Variants in RNF216 observed in about 807,000 individuals in gnomAD.
RNF216 encodes E3 ubiquitin-protein ligase RNF216.
In RNF216, 72 loss-of-function variants were observed where a neutral mutation model predicts 110.8. The observed-to-expected ratio is 0.65, with a 90% CI of 0.54 to 0.79. The LOEUF (loss-of-function observed/expected upper bound fraction) is 0.79. RNF216 is among the 30% of genes least tolerant of loss of function. The probability of loss-of-function intolerance (pLI) is 0.00; values close to 1 mark genes in which losing one functional copy is unlikely to be tolerated. For missense variants in RNF216, 1,342 were observed against 1,141.2 expected (o/e 1.18, Z -2.54); for synonymous variants, 495 against 407.5 (o/e 1.21, Z -2.59).
chr7:5,651,611 G>C (rs932221220), intron 14 of RNF216, among the ~76,000 whole-genome samples: 1 of 151,936 alleles, frequency 6.6e-6, no homozygotes, highest in Non-Finnish European at 1.5e-5. Flanking sequence ...TATGAGAGAA[G>C]AGAAAGAGAT....
At chr7:5,627,841 A>G (rs2128557282) in intron 15 of RNF216, among the ~76,000 whole-genome samples, 1 of 152,164 alleles carries the variant, frequency 6.6e-6, no homozygotes, top group Non-Finnish European at 1.5e-5. Flanking sequence ...TTTGGGGAGA[A>G]GAGCTCTGGC....
chr7:5,767,869 G>T (rs1796286128), intron 1 of RNF216, among the ~76,000 whole-genome samples: 1 of 152,140 alleles, frequency 6.6e-6, no homozygotes, highest in Non-Finnish European at 1.5e-5. Flanking sequence ...AAAGTACTGG[G>T]ATTACAGGCA....
At chr7:5,749,430 C>T (rs192193806) in intron 3 of RNF216, among the ~76,000 whole-genome samples, 2 of 152,214 alleles carry the variant, frequency 1.3e-5, no homozygotes, top group African/African-American at 2.4e-5. Flanking sequence ...GGATTACAGG[C>T]GTGAGCCACC....
chr7:5,657,685 C>G (rs1788833648), intron 13 of RNF216, among the ~76,000 whole-genome samples: 1 of 152,200 alleles, frequency 6.6e-6, no homozygotes, highest in Non-Finnish European at 1.5e-5. Context: ...GGACCGTGGG[C>G]TTCCAGGCCA....
At chr7:5,655,142 G>A (rs555085322) in intron 13 of RNF216, among the ~76,000 whole-genome samples, 7 of 152,280 alleles carry the variant, frequency 4.6e-5, no homozygotes, top group African/African-American at 1.7e-4. Flanking sequence ...TTTGAGATGA[G>A]GCACAGGCCC....
intron 7 of RNF216, among the ~76,000 whole-genome samples, chr7:5,727,003 A>G (rs1245309753): frequency 2.6e-5 from 4 of 152,284 alleles, no homozygotes; most frequent in Middle Eastern, 3.4e-3. Flanking sequence ...GCCTTTCAGG[A>G]AGACTGGGTG....
chr7:5,643,075 A>C (rs1787839504), intron 14 of RNF216, among the ~76,000 whole-genome samples: 1 of 152,148 alleles, frequency 6.6e-6, no homozygotes, highest in African/African-American at 2.4e-5. Context: ...ATGGGTATGG[A>C]GGGAGAAAAA....
At chr7:5,664,118 G>A (rs1195603312) in intron 13 of RNF216, among the ~76,000 whole-genome samples, 1 of 152,096 alleles carries the variant, frequency 6.6e-6, no homozygotes, top group Non-Finnish European at 1.5e-5. Context: ...CTGGAGGCTG[G>A]CAAGACAAAG....
chr7:5,754,971 T>C (rs554100933), intron 2 of RNF216, among the ~76,000 whole-genome samples: 3 of 144,720 alleles, frequency 2.1e-5, no homozygotes, highest in Non-Finnish European at 3.0e-5. Context: ...GAGGCTGCAG[T>C]AAGCCAAGAT....
intron 1 of RNF216, among the ~76,000 whole-genome samples, chr7:5,781,238 G>A (rs957815084): frequency 1.1e-4 from 16 of 152,228 alleles, no homozygotes; most frequent in Middle Eastern, 6.8e-3. Context: ...CCGGGCTGTT[G>A]CCCTCGCGCA....
intron 15 of RNF216, among the ~76,000 whole-genome samples, chr7:5,629,514 T>C (rs934822588): frequency 6.6e-6 from 1 of 151,966 alleles, no homozygotes; most frequent in African/African-American, 2.4e-5. Context: ...GCAAATTTTA[T>C]CTTATGCTTC....
chr7:5,752,324 A>C (rs1033782817), intron 3 of RNF216, among the ~76,000 whole-genome samples: 3 of 152,196 alleles, frequency 2.0e-5, no homozygotes, highest in Non-Finnish European at 4.4e-5. Flanking sequence ...TGGCTGAGGA[A>C]TATTAAAGTA....
chr7:5,761,664 T>G (rs1027593745), intron 1 of RNF216, among the ~76,000 whole-genome samples: 13 of 152,002 alleles, frequency 8.6e-5, no homozygotes, highest in Admixed American at 3.3e-4. Context: ...CACGTGCCTG[T>G]AATCCCAGCT....
chr7:5,698,410 CACACAT>C lies in RNF216; in HGVS notation c.2061+13345_2061+13350del, dbSNP rs1393180139. 9.1e-4 allele frequency among the ~76,000 whole-genome samples: 134 copies of C among 147,796 alleles called. 1 individual carries two copies. The highest frequency in any genetic ancestry group is 3.3e-3 in the African/African-American group (125 of 37,574). On this transcript the variant is annotated intron_variant, in intron 13 of 16. Transcript: ENST00000389902. ...ACACACACACACACACACACACACA[CACACAT>C]ACACACACACGCATGCATGCTGGAG...
In RNF216 at chr7:5,623,173, G is replaced by A. The variant is rs1053415608; in HGVS notation, c.2459C>T (p.Thr820Ile). ...CAGCGGGGGTCCAATGCGTTTGAAG[G>A]TGTTCTCTGAAAGGGATGTGGGGAT... Reference protein sequence around the residue: ...EEQKRKNGENTFKRIGPPLEK... With the variant: ...EEQKRKNGENIFKRIGPPLEK... The change falls in exon 17 of 17, where the codon ACC (threonine) becomes ATC (isoleucine). Residue 820 changes from threonine (T) to isoleucine (I), a missense_variant. Coordinates refer to ENST00000389902, the MANE Select transcript of RNF216 (RefSeq NM_207111.4). 3 of 1,552,914 alleles carry A rather than the reference G, an allele frequency of 1.9e-6. No individual in the cohort carries two copies. The highest frequency in any genetic ancestry group is 2.7e-5 in the African/African-American group (2 of 73,654).
At chr7:5,775,662 G>T (rs952962422) in intron 1 of RNF216, among the ~76,000 whole-genome samples, 3 of 151,916 alleles carry the variant, frequency 2.0e-5, no homozygotes, top group African/African-American at 4.8e-5. Context: ...TTGAGGTCAG[G>T]AGTTCAAGAC....
At chr7:5,712,979 T>A in intron 11 of RNF216, 116 bp from the exon 12 acceptor site, 1 of 914,426 alleles carries the variant, frequency 1.1e-6, no homozygotes, top group Non-Finnish European at 1.6e-6. Flanking sequence ...TCTCTCTGCC[T>A]GTTCATCTCT....
rs143928639 is a variant in RNF216, at chr7:5,772,650, T to C, written c.-70+8891A>G. ...ACAAAGAGTTAATAGTCAAATAATATCAGCATTTTCTCAACTTATAGAATG... is the reference window on the plus strand; with the variant it reads ...ACAAAGAGTTAATAGTCAAATAATACCAGCATTTTCTCAACTTATAGAATG... On this transcript the variant is annotated intron_variant, in intron 1 of 16. Transcript: ENST00000389902. Among the ~76,000 whole-genome samples the C allele has an allele frequency of 2.4e-3, 362 of 152,154 alleles. 3 individuals carry two copies. The highest frequency in any genetic ancestry group is 8.1e-3 in the African/African-American group (334 of 41,490).
At chr7:5,765,710 A>C (rs370837902) in intron 1 of RNF216, among the ~76,000 whole-genome samples, 41 of 150,584 alleles carry the variant, frequency 2.7e-4, no homozygotes, top group African/African-American at 9.8e-4. Flanking sequence ...CGGGCGGCTG[A>C]GGCGGGCAGA....
Sources: allele counts gnomAD v4.1 joint callset (sites outside exome capture counted in the v4.1 genomes callset), GRCh38; gene constraint gnomAD v4.1.1; transcripts MANE v1.5; gene names NCBI Gene and HGNC (gene_info 2026-07-23, HGNC 2026-07-21).